The following EXD2 variants were observed in gnomAD, a reference collection of about 807,000 sequenced individuals.
EXD2 encodes exonuclease 3'-5' domain containing 2, also known as exonuclease 3'-5' domain-containing protein 2.
A neutral mutation model predicts 62.5 loss-of-function variants in EXD2; 40 were observed. That is an observed-to-expected ratio of 0.64 (90% CI 0.50 to 0.83). The LOEUF (loss-of-function observed/expected upper bound fraction) is 0.83. Among genes scored for constraint, EXD2 ranks in the 40% least tolerant of loss-of-function variants. The pLI is 0.00. For synonymous variants in EXD2, 239 were observed against 291.9 expected, an observed-to-expected ratio of 0.82 and a Z score of 1.85; for missense variants, 671 against 761.8, an observed-to-expected ratio of 0.88 and a Z score of 1.40.
chr14:69,238,722 C>T (rs756348069), intron 9 of EXD2, among the ~76,000 whole-genome samples: 14 of 151,788 alleles, frequency 9.2e-5, no homozygotes, highest in Non-Finnish European at 1.5e-4. Flanking sequence ...GTAACTTCCA[C>T]CTCCCAGGCT....
At chr14:69,215,475 C>G (rs908812512) in intron 3 of EXD2, among the ~76,000 whole-genome samples, 4 of 152,168 alleles carry the variant, frequency 2.6e-5, no homozygotes, top group African/African-American at 9.7e-5. Flanking sequence ...ACAATTTTAA[C>G]TTTTATAGAT....
chr14:69,194,328 TG>T (rs1208168537), intron 1 of EXD2, among the ~76,000 whole-genome samples: 1 of 151,718 alleles, frequency 6.6e-6, no homozygotes, highest in Non-Finnish European at 1.5e-5. Flanking sequence ...TTAGTAGAGA[TG>T]GGGTTTCACC....
chr14:69,236,601 C>T, intron 8 of EXD2, 59 bp downstream of exon 8: 41 of 1,609,940 alleles, frequency 2.5e-5, no homozygotes, highest in Non-Finnish European at 3.5e-5. Context: ...GCTTTTGTAG[C>T]CATATGCAGA....
chr14:69,200,102 A>G (rs947167337), intron 1 of EXD2, among the ~76,000 whole-genome samples: 2 of 152,156 alleles, frequency 1.3e-5, no homozygotes, highest in Admixed American at 1.3e-4. Flanking sequence ...CACCATTGTA[A>G]TCTTATAATT....
At chr14:69,231,909 TAAAAAAAAA>T (rs747438242) in intron 5 of EXD2, among the ~76,000 whole-genome samples, 1 of 60,626 alleles carries the variant, frequency 1.6e-5, no homozygotes, top group Non-Finnish European at 3.2e-5. Context: ...GCATGAGCAG[TAAAAAAAAA>T]AAAAAAAAAA....
chr14:69,220,482 T>A (rs1397899638), intron 3 of EXD2, among the ~76,000 whole-genome samples: 5 of 146,596 alleles, frequency 3.4e-5, no homozygotes, highest in African/African-American at 5.0e-5. Context: ...GTGGTCTCGA[T>A]CTCCTGACCT....
At chr14:69,236,779 T>C (rs1419044259) in intron 8 of EXD2, among the ~76,000 whole-genome samples, 1 of 152,222 alleles carries the variant, frequency 6.6e-6, no homozygotes, top group Non-Finnish European at 1.5e-5. Context: ...AGTAATGGTC[T>C]GTCATGGGGA....
At chr14:69,222,529 C>G (rs1211770984) in intron 3 of EXD2, among the ~76,000 whole-genome samples, 1 of 152,150 alleles carries the variant, frequency 6.6e-6, no homozygotes, top group Non-Finnish European at 1.5e-5. Context: ...CTTCTATCTC[C>G]TATCTTATTA....
chr14:69,236,305 C>T, intron 7 of EXD2, 102 bp from the exon 8 acceptor site: 1 of 1,586,448 alleles, frequency 6.3e-7, no homozygotes, highest in Non-Finnish European at 8.6e-7. Context: ...AAATCATGTT[C>T]TCTGCCAGGC....
At chr14:69,206,596 C>A (rs1057332265) in intron 2 of EXD2, among the ~76,000 whole-genome samples, 16 of 151,796 alleles carry the variant, frequency 1.1e-4, no homozygotes, top group Non-Finnish European at 1.3e-4. Context: ...CCTCCCACCT[C>A]AGGCCCCCCA....
chr14:69,241,496 C>T lies in EXD2; in HGVS notation c.*396C>T. On this transcript the variant is annotated 3_prime_UTR_variant, in exon 10 of 10. Transcript: ENST00000685843. ...TCGGTTTATCTCTAACAGGGGCTGT[C>T]CAGTATATCGGTCCTGTTAGGAGGG... The T allele has an allele frequency of 7.8e-6, 2 of 255,962 alleles. No individual in the cohort carries two copies. The highest frequency in any genetic ancestry group is 1.5e-5 in the Non-Finnish European group (2 of 135,026). 15.9% of individuals were successfully genotyped at this position (255,962 alleles called of 1,614,324 possible). A position where few individuals can be genotyped will look rare whatever the true frequency, so the allele number is the denominator to read the frequency against.
intron 1 of EXD2, among the ~76,000 whole-genome samples, chr14:69,195,608 G>A (rs2090711): frequency 0.69 from 104,649 of 152,030 alleles, 36,728 homozygotes; most frequent in East Asian, 1. Context: ...AAACATCACC[G>A]TAGTCTAATT....
intron 3 of EXD2, among the ~76,000 whole-genome samples, chr14:69,220,895 G>T (rs905084727): frequency 6.6e-6 from 1 of 152,068 alleles, no homozygotes; most frequent in Non-Finnish European, 1.5e-5. Flanking sequence ...AAGAGATAGA[G>T]TTGTCCTTTT....
At position 69,240,983 on chromosome 14, in the gene EXD2, T is replaced by C; in HGVS notation, c.1749T>C (p.Arg583=). 6.2e-7 allele frequency: 1 copy of C among 1,613,334 alleles called. No individual in the cohort carries two copies. Among genetic ancestry groups the C allele is most frequent in the East Asian group, 2.2e-5 (1 of 44,880 alleles). ...TCATGCAGCTGGAGAGCCGCTGGCG[T>C]CAGCACTTCCTGGACTCCATGCAGC... ...RSLMQLESRW[R]QHFLDSMQPK... is the part of the protein sequence containing the mutation. Residue 583 remains arginine, a synonymous_variant, in exon 10 of 10, where the codon CGT becomes CGC. Coordinates refer to ENST00000685843, the MANE Select transcript of EXD2 (RefSeq NM_001193360.2).
rs776001428 is a variant in EXD2, at chr14:69,236,398, TC to T, written c.1157-8del. On this transcript the variant is annotated splice_region_variant and splice_polypyrimidine_tract_variant and intron_variant, in intron 7 of 9. Coordinates refer to ENST00000685843, the MANE Select transcript of EXD2 (RefSeq NM_001193360.2). Reference sequence around the variant, plus strand: ...GGAGCAGTCAAACACTGATGTCTCTTCTCTTAAGAGCTGGTGAGTGAAGAGC... The same window carrying T: ...GGAGCAGTCAAACACTGATGTCTCTTTCTTAAGAGCTGGTGAGTGAAGAGC... 6.2e-7 allele frequency: 1 copy of T among 1,614,094 alleles called. No homozygotes were observed. The highest frequency in any genetic ancestry group is 1.1e-5 in the South Asian group (1 of 91,074).
At chr14:69,211,493 A>G (rs531860464) in intron 3 of EXD2, among the ~76,000 whole-genome samples, 1 of 149,458 alleles carries the variant, frequency 6.7e-6, no homozygotes, top group Admixed American at 6.8e-5. Context: ...CTAGATGCCA[A>G]CACTGTGATG....
chr14:69,204,501 A>G (rs1028003300), intron 2 of EXD2, among the ~76,000 whole-genome samples: 5 of 152,184 alleles, frequency 3.3e-5, no homozygotes, highest in African/African-American at 1.2e-4. Context: ...TCGAGGCTGC[A>G]GTGAGCCGTG....
chr14:69,225,900 C>T (rs906590234), intron 3 of EXD2, among the ~76,000 whole-genome samples: 5 of 152,098 alleles, frequency 3.3e-5, no homozygotes, highest in African/African-American at 1.2e-4. Flanking sequence ...AGTGAGAAAA[C>T]TTTGATTATA....
At chr14:69,237,009 C>T (rs2043817379) in intron 8 of EXD2, among the ~76,000 whole-genome samples, 1 of 152,244 alleles carries the variant, frequency 6.6e-6, no homozygotes, top group South Asian at 2.1e-4. Context: ...TGCCCAGACA[C>T]TTGGGCTTTC....
Sources: allele counts gnomAD v4.1 joint callset (sites outside exome capture counted in the v4.1 genomes callset), GRCh38; gene constraint gnomAD v4.1.1; transcripts MANE v1.5; gene names NCBI Gene and HGNC (gene_info 2026-07-23, HGNC 2026-07-21).